Variants in PTBP3 observed in about 807,000 individuals in gnomAD.
PTBP3 encodes the protein polypyrimidine tract-binding protein 3.
A neutral mutation model predicts 58.7 loss-of-function variants in PTBP3; 20 were observed. The observed-to-expected ratio is 0.34, with a 90% CI of 0.24 to 0.50. The LOEUF is 0.50. Among genes scored for constraint, PTBP3 ranks in the 20% least tolerant of loss-of-function variants. The probability of loss-of-function intolerance (pLI) is 0.98; values close to 1 mark genes in which losing one functional copy is unlikely to be tolerated. For missense variants in PTBP3, 509 were observed against 637.2 expected (o/e 0.80, Z 2.17); for synonymous variants, 185 against 219.8 (o/e 0.84, Z 1.40).
intron 1 of PTBP3, chr9:112,330,437 C>T: frequency 6.6e-7 from 1 of 1,513,282 alleles, no homozygotes; most frequent in Non-Finnish European, 9.1e-7. Context: ...TAAAAGATTC[C>T]TACCTTTAAA....
intron 2 of PTBP3, among the ~76,000 whole-genome samples, chr9:112,287,645 G>GT (rs1209207151): frequency 6.6e-6 from 1 of 151,966 alleles, no homozygotes; most frequent in Non-Finnish European, 1.5e-5. Flanking sequence ...CCAGCCTTCA[G>GT]TTTTTTCTGT....
At chr9:112,333,177 C>T in intron 1 of PTBP3, 2 of 1,153,526 alleles carry the variant, frequency 1.7e-6, no homozygotes, top group Non-Finnish European at 2.2e-6. Flanking sequence ...GACCTCGGCA[C>T]CGCGGCCGGA....
At chr9:112,367,269 A>G in the PTBP3 span, among the ~76,000 whole-genome samples, 1 of 151,650 alleles carries the variant, frequency 6.6e-6, no homozygotes, top group African/African-American at 2.4e-5. Flanking sequence ...ACTATATTAG[A>G]GTATTCTGAA....
At chr9:112,226,440 C>T (rs776815327) in intron 12 of PTBP3, among the ~76,000 whole-genome samples, 16 of 152,156 alleles carry the variant, frequency 1.1e-4, no homozygotes, top group Non-Finnish European at 2.1e-4. Context: ...CACACATCCC[C>T]CACAGCTTTT....
intron 5 of PTBP3, among the ~76,000 whole-genome samples, chr9:112,253,964 T>TA (rs1214530978): frequency 6.6e-6 from 1 of 152,194 alleles, no homozygotes; most frequent in African/African-American, 2.4e-5. Context: ...ATTTGAATCT[T>TA]AAAACAAGAA....
intron 1 of PTBP3, among the ~76,000 whole-genome samples, chr9:112,307,804 G>A (rs10817313): frequency 0.99 from 150,942 of 152,390 alleles, 74,755 homozygotes; most frequent in Middle Eastern, 1. Flanking sequence ...AAAAGATGAG[G>A]AAAACAGAGT....
chr9:112,340,356 C>G, the PTBP3 span, among the ~76,000 whole-genome samples: 95 of 152,244 alleles, frequency 6.2e-4, 1 homozygote, highest in African/African-American at 2.2e-3. Context: ...GATCTTCATT[C>G]TATTACATAT....
Position 112,290,703 on chromosome 9 carries a change from T to TACACACACAC in PTBP3, c.34+7128_34+7129insGTGTGTGTGT, listed in dbSNP as rs1441556582. Reference sequence around the variant, plus strand: ...AAAAAAAAAAATATATATATATATATATATACACACACACACACACACACA... The same window carrying TACACACACAC: ...AAAAAAAAAAATATATATATATATATACACACACACATATACACACACACACACACACACA... On this transcript the variant is annotated intron_variant, in intron 2 of 13. Coordinates refer to ENST00000374257, the MANE Select transcript of PTBP3 (RefSeq NM_001163788.4). 6.2e-3 allele frequency among the ~76,000 whole-genome samples: 397 copies of TACACACACAC among 64,544 alleles called. 2 individuals are homozygous for TACACACACAC. The highest frequency in any genetic ancestry group is 0.027 in the African/African-American group (302 of 11,210). 42.3% of individuals were successfully genotyped at this position (64,544 alleles called of 152,430 possible). A position where few individuals can be genotyped will look rare whatever the true frequency, so the allele number is the denominator to read the frequency against.
the PTBP3 span, among the ~76,000 whole-genome samples, chr9:112,342,969 A>T: frequency 7.9e-5 from 12 of 152,144 alleles, no homozygotes; most frequent in Admixed American, 7.9e-4. Flanking sequence ...CTGGGACTAC[A>T]GGTGTGCACC....
intron 5 of PTBP3, among the ~76,000 whole-genome samples, chr9:112,261,385 T>C (rs984530201): frequency 6.6e-6 from 1 of 152,192 alleles, no homozygotes; most frequent in Non-Finnish European, 1.5e-5. Context: ...CTATCGCCAA[T>C]TGGTATAAGG....
intron 1 of PTBP3, among the ~76,000 whole-genome samples, chr9:112,316,828 T>G (rs948533927): frequency 2.0e-4 from 31 of 151,900 alleles, no homozygotes; most frequent in Non-Finnish European, 3.7e-4. Context: ...AAAAATTAGC[T>G]GGGCATGGTG....
chr9:112,292,841 CAAT>C (rs1236492354), intron 2 of PTBP3, among the ~76,000 whole-genome samples: 2 of 152,090 alleles, frequency 1.3e-5, no homozygotes, highest in Admixed American at 6.6e-5. Context: ...TGTTGTACAA[CAAT>C]GTTCCTATAG....
At chr9:112,353,889 T>C in the PTBP3 span, among the ~76,000 whole-genome samples, 2 of 151,798 alleles carry the variant, frequency 1.3e-5, no homozygotes, top group East Asian at 1.9e-4. Context: ...ACCCAGGAGG[T>C]AGAGGTTTTA....
At position 112,275,911 on chromosome 9, in the gene PTBP3, T is replaced by C; in HGVS notation, c.137A>G (p.Glu46Gly). The C allele has an allele frequency of 3.1e-6, 5 of 1,614,044 alleles. No individual in the cohort carries two copies. Among genetic ancestry groups the C allele is most frequent in the Non-Finnish European group, 4.2e-6 (5 of 1,179,884 alleles). The change falls in exon 3 of 14, where the codon GAG becomes GGG. Residue 46 changes from glutamate to glycine, a missense_variant. Coordinates refer to ENST00000374257, the MANE Select transcript of PTBP3 (RefSeq NM_001163788.4). Reference protein sequence around the residue: ...RKIPCDVTEAEIISLGLPFGK... With the variant: ...RKIPCDVTEAGIISLGLPFGK... ...AAATGGTAGACCTAATGATATGATC[T>C]CTGCTTCGGTGACATCACATGGAAT...
At chr9:112,252,519 G>GAAAAA in intron 6 of PTBP3, 159 bp downstream of exon 6, 19 of 556,700 alleles carry the variant, frequency 3.4e-5, no homozygotes, top group South Asian at 8.6e-5. Context: ...TTTTAGCTTA[G>GAAAAA]AAAAAAAAAA....
chr9:112,351,922 A>G, the PTBP3 span, among the ~76,000 whole-genome samples: 12 of 151,188 alleles, frequency 7.9e-5, no homozygotes, highest in Non-Finnish European at 1.6e-4. Context: ...CAGTCCTAGA[A>G]TCAGCCATTT....
intron 5 of PTBP3, among the ~76,000 whole-genome samples, chr9:112,259,952 C>T (rs1836522236): frequency 6.6e-6 from 1 of 152,298 alleles, no homozygotes; most frequent in South Asian, 2.1e-4. Flanking sequence ...TAGATGGAGT[C>T]TTGCTCTGCT....
At chr9:112,252,519 G>GAA (rs5899995) in intron 6 of PTBP3, 159 bp downstream of exon 6, 242,933 of 546,572 alleles carry the variant, frequency 0.44, 34,137 homozygotes, top group African/African-American at 0.75. Flanking sequence ...TTTTAGCTTA[G>GAA]AAAAAAAAAA....
chr9:112,350,885 G>A, the PTBP3 span, among the ~76,000 whole-genome samples: 3 of 152,038 alleles, frequency 2.0e-5, no homozygotes, highest in African/African-American at 4.8e-5. Flanking sequence ...TGCAACCTCC[G>A]CCTCCTTGGT....
Sources: allele counts gnomAD v4.1 joint callset (sites outside exome capture counted in the v4.1 genomes callset), GRCh38; gene constraint gnomAD v4.1.1; transcripts MANE v1.5; gene names NCBI Gene and HGNC (gene_info 2026-07-23, HGNC 2026-07-21).